EXOC4: variants seen among roughly 807,000 people sequenced by gnomAD.
The protein encoded by EXOC4 is SEC8-like 1.
In EXOC4, 71 loss-of-function variants were observed where a neutral mutation model predicts 107.2. The observed-to-expected ratio is 0.66, with a 90% confidence interval of 0.55 to 0.81. The LOEUF (loss-of-function observed/expected upper bound fraction) is 0.81. Among genes scored for constraint, EXOC4 ranks in the 30% least tolerant of loss-of-function variants. The probability of loss-of-function intolerance (pLI) is 0.00; values close to 1 mark genes in which losing one functional copy is unlikely to be tolerated. For missense variants in EXOC4, 1,108 were observed against 1,189.6 expected (o/e 0.93, Z 1.01); for synonymous variants, 456 against 441.2 (o/e 1.03, Z -0.42).
At chr7:133,557,861 G>A (rs975315031) in intron 9 of EXOC4, among the ~76,000 whole-genome samples, 3 of 152,114 alleles carry the variant, frequency 2.0e-5, no homozygotes, top group African/African-American at 7.2e-5. Context: ...CATGATGGCA[G>A]GTGCCTGTAA....
At chr7:133,942,546 A>C (rs1023065752) in intron 14 of EXOC4, among the ~76,000 whole-genome samples, 1 of 152,156 alleles carries the variant, frequency 6.6e-6, no homozygotes, top group African/African-American at 2.4e-5. Context: ...CTTAGAAATC[A>C]TCTGGTCTAA....
intron 10 of EXOC4, among the ~76,000 whole-genome samples, chr7:133,688,291 A>G (rs1794349342): frequency 6.6e-6 from 1 of 152,196 alleles, no homozygotes; most frequent in African/African-American, 2.4e-5. Flanking sequence ...TTATGTTCAT[A>G]TCTACCTGTA....
intron 7 of EXOC4, among the ~76,000 whole-genome samples, chr7:133,435,138 G>A (rs769306574): frequency 6.6e-6 from 1 of 152,110 alleles, no homozygotes; most frequent in Non-Finnish European, 1.5e-5. Context: ...GGTGACTGAA[G>A]GACTGTCATT....
At chr7:133,433,246 C>A (rs1797894288) in intron 7 of EXOC4, among the ~76,000 whole-genome samples, 1 of 152,140 alleles carries the variant, frequency 6.6e-6, no homozygotes. Context: ...CTAACCTACC[C>A]CACTCCCAAT....
intron 14 of EXOC4, among the ~76,000 whole-genome samples, chr7:133,996,683 C>T (rs1477543704): frequency 1.3e-5 from 2 of 152,024 alleles, no homozygotes; most frequent in African/African-American, 4.8e-5. Flanking sequence ...AGGTGTAAAG[C>T]GTCATGGCAT....
chr7:133,785,182 G>A (rs1796543274), intron 10 of EXOC4, among the ~76,000 whole-genome samples: 1 of 152,088 alleles, frequency 6.6e-6, no homozygotes, highest in South Asian at 2.1e-4. Flanking sequence ...CCCTGCCATT[G>A]GAATAATACC....
intron 17 of EXOC4, among the ~76,000 whole-genome samples, chr7:134,023,847 C>G (rs1042742605): frequency 1.3e-5 from 2 of 152,222 alleles, no homozygotes; most frequent in Admixed American, 6.5e-5. Context: ...GTTGTATAGT[C>G]GACCTGCAGG....
intron 11 of EXOC4, among the ~76,000 whole-genome samples, chr7:133,844,378 C>CATTTTTTTTT (rs1371732321): frequency 1.2e-5 from 1 of 83,344 alleles, no homozygotes; most frequent in Non-Finnish European, 2.2e-5. Flanking sequence ...CCACATATTC[C>CATTTTTTTTT]TTTTTTTTTT....
At position 133,332,245 on chromosome 7, in the gene EXOC4, A is replaced by G. The variant is rs1584821502; in HGVS notation, c.763+14855A>G. On this transcript the variant is annotated intron_variant, in intron 5 of 17. Coordinates refer to ENST00000253861, the MANE Select transcript of EXOC4 (RefSeq NM_021807.4). The stretch of plus-strand genomic sequence containing the variant: ...GCATAGGTTAAGCAGTAAAAACCTA[A>G]AGAGAACACAAATTAAATGATTTTT... Among the ~76,000 whole-genome samples, 3 of 152,314 alleles carry G rather than the reference A, an allele frequency of 2.0e-5. No individual in the cohort carries two copies. The East Asian group carries it at 5.8e-4, about 29-fold the overall frequency.
chr7:133,414,063 T>C (rs1312711023), intron 7 of EXOC4, among the ~76,000 whole-genome samples: 1 of 152,186 alleles, frequency 6.6e-6, no homozygotes, highest in Non-Finnish European at 1.5e-5. Flanking sequence ...TGGTTGTATG[T>C]ATTTGTAACT....
chr7:133,666,968 C>T (rs1793831250), intron 10 of EXOC4, among the ~76,000 whole-genome samples: 1 of 152,076 alleles, frequency 6.6e-6, no homozygotes, highest in South Asian at 2.1e-4. Flanking sequence ...CTGGACTTTT[C>T]CAGATGGGTG....
At chr7:133,904,455 T>G (rs1264318508) in intron 12 of EXOC4, among the ~76,000 whole-genome samples, 2 of 152,196 alleles carry the variant, frequency 1.3e-5, no homozygotes, top group African/African-American at 2.4e-5. Context: ...GGACTACTAC[T>G]CTGGAACATG....
At position 133,307,525 on chromosome 7, in the gene EXOC4, G is replaced by A. The variant is rs538066107; in HGVS notation, c.656+1464G>A. Among the ~76,000 whole-genome samples, 49 of 152,204 alleles carry A rather than the reference G, an allele frequency of 3.2e-4. 3 individuals carry two copies. The highest frequency in any genetic ancestry group is 1.2e-3 in the African/African-American group (48 of 41,532). The stretch of plus-strand genomic sequence containing the variant: ...AGCATTATTTGAGGTCTCAGAGGAA[G>A]AACATTTATTTTAAAAAAATTTCTG... On this transcript the variant is annotated intron_variant, in intron 4 of 17. Coordinates refer to ENST00000253861, the MANE Select transcript of EXOC4 (RefSeq NM_021807.4).
intron 10 of EXOC4, among the ~76,000 whole-genome samples, chr7:133,742,065 A>C (rs1471036843): frequency 6.6e-6 from 1 of 152,210 alleles, no homozygotes; most frequent in African/African-American, 2.4e-5. Flanking sequence ...GTAGGTACTA[A>C]ACTACTTCTG....
intron 5 of EXOC4, among the ~76,000 whole-genome samples, chr7:133,330,571 C>A (rs999335043): frequency 6.6e-6 from 1 of 152,194 alleles, no homozygotes; most frequent in East Asian, 1.9e-4. Flanking sequence ...TGGAGGGAAT[C>A]TCCTGGTCTG....
chr7:133,572,078 A>C (rs1801035902), intron 9 of EXOC4, among the ~76,000 whole-genome samples: 2 of 152,214 alleles, frequency 1.3e-5, no homozygotes, highest in Non-Finnish European at 2.9e-5. Context: ...CTGGGTGAAA[A>C]TATACAGTGG....
At chr7:134,007,958 AG>A in intron 17 of EXOC4, 123 bp downstream of exon 17, 1 of 901,626 alleles carries the variant, frequency 1.1e-6, no homozygotes, top group Non-Finnish European at 1.6e-6. Flanking sequence ...AAAGAAGCAC[AG>A]ATAGATGTTT....
intron 9 of EXOC4, among the ~76,000 whole-genome samples, chr7:133,612,679 G>A (rs896804540): frequency 3.3e-5 from 5 of 152,154 alleles, no homozygotes; most frequent in African/African-American, 1.2e-4. Flanking sequence ...CCAATTAGGA[G>A]GCCAGTAATG....
intron 11 of EXOC4, among the ~76,000 whole-genome samples, chr7:133,892,848 A>G (rs1003983081): frequency 2.1e-5 from 3 of 144,654 alleles, no homozygotes; most frequent in African/African-American, 5.5e-5. Flanking sequence ...ACTTCCAACT[A>G]TGTGGTCAAT....
Sources: gnomAD v4.1 joint callset for allele counts (sites outside exome capture counted in the v4.1 genomes callset) on GRCh38, gnomAD v4.1.1 for gene constraint, MANE v1.5 for transcripts, NCBI Gene and HGNC (gene_info 2026-07-23, HGNC 2026-07-21) for gene names.